Variants in PREX2 observed in about 807,000 individuals in gnomAD.
PREX2 encodes phosphatidylinositol-3,4,5-trisphosphate dependent Rac exchange factor 2.
In PREX2, 107 loss-of-function variants were observed where a neutral mutation model predicts 203.2. The observed-to-expected ratio is 0.53, with a 90% CI of 0.45 to 0.62. The LOEUF is 0.62. Among genes scored for constraint, PREX2 ranks in the 20% least tolerant of loss-of-function variants. The pLI is 0.00. For missense variants in PREX2, 1,777 were observed against 1,955.9 expected, an observed-to-expected ratio of 0.91 and a Z score of 1.72; for synonymous variants, 672 against 663.6, an observed-to-expected ratio of 1.01 and a Z score of -0.19.
intron 37 of PREX2, among the ~76,000 whole-genome samples, chr8:68,194,828 GTCATGCAGATATC>G (rs1812364715): frequency 6.6e-6 from 1 of 151,488 alleles, no homozygotes; most frequent in Admixed American, 6.6e-5. Flanking sequence ...GAAGGAGTGG[GTCATGCAGATATC>G]TCAGAGAAAG....
At chr8:68,200,879 A>C (rs1383601602) in intron 37 of PREX2, among the ~76,000 whole-genome samples, 1 of 152,198 alleles carries the variant, frequency 6.6e-6, no homozygotes, top group East Asian at 1.9e-4. Context: ...CCTAGGTCCT[A>C]ATATGTCAAA....
intron 1 of PREX2, among the ~76,000 whole-genome samples, chr8:67,983,855 C>T (rs1585677123): frequency 6.6e-6 from 1 of 152,240 alleles, no homozygotes; most frequent in Non-Finnish European, 1.5e-5. Flanking sequence ...TGTCTCCTTC[C>T]ATTTTCACAT....
intron 1 of PREX2, among the ~76,000 whole-genome samples, chr8:67,976,147 G>A (rs1053320261): frequency 6.6e-5 from 10 of 152,134 alleles, no homozygotes; most frequent in African/African-American, 2.4e-5. Flanking sequence ...ACCCCCAGCA[G>A]CACCCTTTCT....
At chr8:68,041,239 T>C (rs1325266134) in intron 7 of PREX2, among the ~76,000 whole-genome samples, 2 of 152,154 alleles carry the variant, frequency 1.3e-5, no homozygotes, top group African/African-American at 4.8e-5. Context: ...TATTTTCTGG[T>C]AGAGTGAGAA....
intron 35 of PREX2, among the ~76,000 whole-genome samples, chr8:68,163,165 G>A (rs1236194790): frequency 1.3e-5 from 2 of 152,134 alleles, no homozygotes; most frequent in Middle Eastern, 3.2e-3. Flanking sequence ...GTGTACACAT[G>A]TATACACAAA....
intron 6 of PREX2, among the ~76,000 whole-genome samples, chr8:68,036,758 C>A (rs13277921): frequency 6.6e-6 from 1 of 151,778 alleles, no homozygotes; most frequent in Non-Finnish European, 1.5e-5. Flanking sequence ...CCTGCCTGAC[C>A]GACATGGAGA....
At chr8:68,027,183 TATTA>T in intron 4 of PREX2, 35 bp from the exon 5 acceptor site, 1 of 1,427,562 alleles carries the variant, frequency 7.0e-7, no homozygotes, top group Non-Finnish European at 9.9e-7. Flanking sequence ...AGCGTGAGAT[TATTA>T]AAGATGTAAT....
intron 6 of PREX2, among the ~76,000 whole-genome samples, chr8:68,036,638 A>C (rs1808041490): frequency 6.6e-6 from 1 of 152,058 alleles, no homozygotes. Flanking sequence ...ATCCACTTTC[A>C]GGATAAAAAG....
chr8:68,159,502 C>T (rs1811611389), intron 35 of PREX2, among the ~76,000 whole-genome samples: 1 of 152,120 alleles, frequency 6.6e-6, no homozygotes, highest in Admixed American at 6.6e-5. Context: ...AGACTGTCTG[C>T]AGTACTTGTA....
In PREX2 at chr8:68,138,399, TTTTC is replaced by T; in HGVS notation, c.3985-8_3985-5del. On this transcript the variant is annotated splice_polypyrimidine_tract_variant and intron_variant, in intron 32 of 39. Coordinates refer to ENST00000288368, the MANE Select transcript of PREX2 (RefSeq NM_024870.4). ...TATATCATCTTGTATTATATATTGT[TTTTC>T]TTTCTTTGTAGACAGATGAACAAGC... The T allele has an allele frequency of 7.2e-7, 1 of 1,389,748 alleles. No homozygotes were observed. The highest frequency in any genetic ancestry group is 1.0e-6 in the Non-Finnish European group (1 of 996,406). 86.1% of individuals were successfully genotyped at this position (1,389,748 alleles called of 1,614,324 possible).
At chr8:68,044,411 TGCC>T in intron 7 of PREX2, 73 bp from the exon 8 acceptor site, 1 of 1,018,292 alleles carries the variant, frequency 9.8e-7, no homozygotes, top group Admixed American at 2.0e-5. Context: ...TTCAAAGAAT[TGCC>T]TAAAATATAT....
intron 27 of PREX2, 144 bp from the exon 28 acceptor site, chr8:68,119,288 C>A: frequency 1.8e-6 from 1 of 564,492 alleles, no homozygotes; most frequent in Non-Finnish European, 3.1e-6. Context: ...TCTTTTGGAA[C>A]TCTTTCTCTG....
chr8:68,179,278 T>G (rs1812040415), intron 35 of PREX2, among the ~76,000 whole-genome samples: 2 of 152,196 alleles, frequency 1.3e-5, no homozygotes, highest in African/African-American at 4.8e-5. Flanking sequence ...TACAATTTCT[T>G]TACTGAAGGC....
chr8:68,005,219 G>A (rs367661658), intron 1 of PREX2, among the ~76,000 whole-genome samples: 8 of 152,032 alleles, frequency 5.3e-5, no homozygotes, highest in South Asian at 2.1e-4. Context: ...TCTCTCTTCC[G>A]CTCACAATTC....
At chr8:68,102,943 A>G in intron 23 of PREX2, 1 of 517,830 alleles carries the variant, frequency 1.9e-6, no homozygotes, top group Non-Finnish European at 3.9e-6. Context: ...AAGTAAAATT[A>G]TGCCCTGTTG....
chr8:68,027,956 A>G (rs570017011), intron 5 of PREX2, among the ~76,000 whole-genome samples: 1 of 152,196 alleles, frequency 6.6e-6, no homozygotes, highest in South Asian at 2.1e-4. Flanking sequence ...CCTTACTGCA[A>G]GGGACCTATG....
chr8:68,139,952 A>G, intron 33 of PREX2, among the ~76,000 whole-genome samples: 1 of 152,184 alleles, frequency 6.6e-6, no homozygotes, highest in Admixed American at 6.5e-5. Flanking sequence ...GTTTTGCTGA[A>G]GGCAGAGAGA....
chr8:68,032,220 G>A (rs7818589), intron 6 of PREX2, among the ~76,000 whole-genome samples: 11,399 of 152,160 alleles, frequency 0.075, 1,328 homozygotes, highest in African/African-American at 0.25. Context: ...AAACTGGATG[G>A]AGTTAAGGAA....
intron 38 of PREX2, among the ~76,000 whole-genome samples, chr8:68,221,251 A>G (rs1812948670): frequency 6.6e-6 from 1 of 152,182 alleles, no homozygotes; most frequent in Non-Finnish European, 1.5e-5. Context: ...CATGTTTTTT[A>G]TCCAGCCCAC....
Sources: gnomAD v4.1 joint callset for allele counts (sites outside exome capture counted in the v4.1 genomes callset) on GRCh38, gnomAD v4.1.1 for gene constraint, MANE v1.5 for transcripts, NCBI Gene and HGNC (gene_info 2026-07-23, HGNC 2026-07-21) for gene names.